PTPRD: variants seen among roughly 807,000 people sequenced by gnomAD.
PTPRD encodes receptor-type tyrosine-protein phosphatase delta.
In PTPRD, 34 loss-of-function variants were observed where a neutral mutation model predicts 214.5. The observed-to-expected ratio is 0.16, with a 90% CI of 0.12 to 0.21. The LOEUF (loss-of-function observed/expected upper bound fraction) is 0.21, where lower values mean the gene tolerates loss of function less well. Among genes scored for constraint, PTPRD ranks in the 10% least tolerant of loss-of-function variants. PTPRD has a pLI of 1.00. For synonymous variants in PTPRD, 1,128 were observed against 845.7 expected (o/e 1.33, Z -5.79); for missense variants, 2,545 against 2,398.7 (o/e 1.06, Z -1.27).
chr9:10,194,958 T>G (rs2099391562), intron 3 of PTPRD, among the ~76,000 whole-genome samples: 1 of 151,024 alleles, frequency 6.6e-6, no homozygotes, highest in Non-Finnish European at 1.5e-5. Context: ...TTTTTTTTTT[T>G]GAGACAGAGT....
intron 9 of PTPRD, among the ~76,000 whole-genome samples, chr9:9,318,591 A>C (rs542607418): frequency 1.3e-5 from 2 of 152,326 alleles, no homozygotes; most frequent in Admixed American, 1.3e-4. Flanking sequence ...TTTTTTCTGC[A>C]AACGATTTCA....
intron 9 of PTPRD, among the ~76,000 whole-genome samples, chr9:9,260,936 T>G (rs1016653822): frequency 9.2e-5 from 14 of 151,902 alleles, no homozygotes; most frequent in African/African-American, 3.4e-4. Flanking sequence ...AAAGATGAAT[T>G]ACTTAGCTAA....
intron 5 of PTPRD, among the ~76,000 whole-genome samples, chr9:9,873,926 G>A (rs2066147450): frequency 6.6e-6 from 1 of 152,058 alleles, no homozygotes; most frequent in African/African-American, 2.4e-5. Context: ...TAGCTGACGT[G>A]TATTGAAGTA....
At chr9:8,964,317 TCCTC>T (rs370812715) in intron 11 of PTPRD, among the ~76,000 whole-genome samples, 4,752 of 150,202 alleles carry the variant, frequency 0.032, 137 homozygotes, top group African/African-American at 0.068. Flanking sequence ...TTTATAAATT[TCCTC>T]CCTATTTTCT....
At chr9:8,700,508 G>C (rs919683208) in intron 12 of PTPRD, 2 of 152,210 alleles carry the variant, frequency 1.3e-5, no homozygotes, top group African/African-American at 4.8e-5. Flanking sequence ...GATGTATTAT[G>C]ATGTGCTTTT....
intron 11 of PTPRD, among the ~76,000 whole-genome samples, chr9:8,823,063 G>C (rs2097103527): frequency 6.6e-6 from 1 of 152,002 alleles, no homozygotes. Flanking sequence ...AATACTCAGG[G>C]TTCTGTTTCC....
chr9:9,563,313 A>T (rs2083450755), intron 8 of PTPRD, among the ~76,000 whole-genome samples: 1 of 152,130 alleles, frequency 6.6e-6, no homozygotes, highest in African/African-American at 2.4e-5. Flanking sequence ...TACCTTATGG[A>T]TAGACTATTA....
intron 2 of PTPRD, among the ~76,000 whole-genome samples, chr9:10,346,828 CAT>C (rs1177001950): frequency 6.6e-6 from 1 of 152,148 alleles, no homozygotes. Context: ...TTTCACAGAA[CAT>C]GTGATTTGTC....
chr9:8,880,354 C>T (rs1163936282), intron 11 of PTPRD, among the ~76,000 whole-genome samples: 1 of 152,134 alleles, frequency 6.6e-6, no homozygotes, highest in Non-Finnish European at 1.5e-5. Context: ...CTAGGTCTGG[C>T]GCATCCTCCC....
At chr9:8,867,457 C>G (rs1418256421) in intron 11 of PTPRD, among the ~76,000 whole-genome samples, 1 of 152,182 alleles carries the variant, frequency 6.6e-6, no homozygotes, top group African/African-American at 2.4e-5. Context: ...GAGAGACCTC[C>G]TGCTAGGTGA....
At position 9,617,933 on chromosome 9, in the gene PTPRD, A is replaced by G. The variant is rs897597147; in HGVS notation, c.-286-43152T>C. Among the ~76,000 whole-genome samples, 16 of 151,576 alleles carry G rather than the reference A, an allele frequency of 1.1e-4. No individual in the cohort carries two copies. The East Asian group carries it at 1.8e-3, about 17-fold the overall frequency. On this transcript the variant is annotated intron_variant, in intron 7 of 45. Transcript: ENST00000381196. The stretch of plus-strand genomic sequence containing the variant: ...TAAAAATACAAAAAATTAGCCGGGC[A>G]TGGTGGCGGGCGCCTGCGGTCCCTG...
At chr9:9,452,569 AAG>A (rs1440695329) in intron 8 of PTPRD, among the ~76,000 whole-genome samples, 3 of 151,250 alleles carry the variant, frequency 2.0e-5, no homozygotes, top group Admixed American at 6.6e-5. Flanking sequence ...ACTTATGAGA[AAG>A]AGAGAAAAAA....
chr9:9,232,080 T>C (rs1279798604), intron 9 of PTPRD, among the ~76,000 whole-genome samples: 1 of 152,196 alleles, frequency 6.6e-6, no homozygotes, highest in Non-Finnish European at 1.5e-5. Context: ...TTCACTTGTA[T>C]GTTATTGTGC....
chr9:9,641,504 T>C (rs1394609766), intron 7 of PTPRD, among the ~76,000 whole-genome samples: 2 of 152,140 alleles, frequency 1.3e-5, no homozygotes, highest in African/African-American at 4.8e-5. Context: ...TATAGGAAAG[T>C]ACCATAGTGT....
chr9:8,532,331 G>A (rs562184168), intron 14 of PTPRD, among the ~76,000 whole-genome samples: 2 of 152,148 alleles, frequency 1.3e-5, no homozygotes, highest in South Asian at 4.1e-4. Flanking sequence ...GTGTAGTTTA[G>A]AAGACGTTAA....
chr9:8,329,077 G>A (rs568288715), intron 44 of PTPRD, among the ~76,000 whole-genome samples: 15 of 152,168 alleles, frequency 9.9e-5, no homozygotes, highest in South Asian at 4.1e-4. Flanking sequence ...CCTTGCTGGC[G>A]AGGAGTTGTG....
chr9:9,931,521 G>T (rs1381307851), intron 5 of PTPRD, among the ~76,000 whole-genome samples: 3 of 152,202 alleles, frequency 2.0e-5, no homozygotes, highest in African/African-American at 4.8e-5. Context: ...TTTCCGACGG[G>T]CTTAAAAAAC....
chr9:10,101,962 A>T (rs188776021), intron 3 of PTPRD, among the ~76,000 whole-genome samples: 1 of 151,712 alleles, frequency 6.6e-6, no homozygotes, highest in Non-Finnish European at 1.5e-5. Flanking sequence ...GAAAAGCCAT[A>T]TGTCAATTGG....
At chr9:10,418,799 G>C (rs2098519026) in intron 2 of PTPRD, among the ~76,000 whole-genome samples, 1 of 151,812 alleles carries the variant, frequency 6.6e-6, no homozygotes, top group Non-Finnish European at 1.5e-5. Flanking sequence ...TTATAGGTGA[G>C]TTATTAACTG....
Sources: allele counts gnomAD v4.1 joint callset (sites outside exome capture counted in the v4.1 genomes callset), GRCh38; gene constraint gnomAD v4.1.1; transcripts MANE v1.5; gene names NCBI Gene and HGNC (gene_info 2026-07-23, HGNC 2026-07-21).